FAAH2: variants seen among roughly 807,000 people sequenced by gnomAD.
The protein encoded by FAAH2 is fatty acid amide hydrolase 2, also known as fatty-acid amide hydrolase 2.
In FAAH2, 60 loss-of-function variants were observed where a neutral mutation model predicts 36.9. The observed-to-expected ratio is 1.63, with a 90% confidence interval of 1.32 to 2.02. The LOEUF (loss-of-function observed/expected upper bound fraction) is 2.02, where lower values mean the gene tolerates loss of function less well. Among genes scored for constraint, FAAH2 ranks in the 30% most tolerant of loss-of-function variants. The pLI, the probability that FAAH2 is intolerant of heterozygous loss-of-function variation, is 0.00. For synonymous variants in FAAH2, 214 were observed against 143.8 expected (o/e 1.49, Z -3.49); for missense variants, 689 against 397.5 (o/e 1.73, Z -6.23).
At chrX:57,419,789 T>G (rs1295859113) in intron 7 of FAAH2, among the ~76,000 whole-genome samples, 1 of 111,948 alleles carries the variant, frequency 8.9e-6, no homozygotes, top group African/African-American at 3.2e-5. Context: ...ATGAAGTCCT[T>G]GCCCATGCCT....
chrX:57,472,220 A>T (rs777343874), intron 10 of FAAH2, among the ~76,000 whole-genome samples: 1 of 112,287 alleles, frequency 8.9e-6, no homozygotes, highest in East Asian at 2.8e-4. Flanking sequence ...AAGCAATGGC[A>T]ACAAAAGCCA....
At chrX:57,284,353 C>T (rs2051781343), upstream of FAAH2, among the ~76,000 whole-genome samples, 1 of 110,316 alleles carries the variant, frequency 9.1e-6, no homozygotes, top group South Asian at 3.9e-4. Context: ...CAGTGGCGCT[C>T]CAGCCTGGGC....
intron 7 of FAAH2, 140 bp downstream of exon 7, chrX:57,381,169 T>C (rs1308819832): frequency 8.9e-5 from 36 of 405,295 alleles, no homozygotes; most frequent in Non-Finnish European, 1.7e-5. Flanking sequence ...CTAAGGAATT[T>C]TGGATGTAAT....
intron 7 of FAAH2, chrX:57,394,488 T>G (rs921398503): frequency 1.2e-5 from 14 of 1,203,491 alleles, no homozygotes; most frequent in Non-Finnish European, 1.5e-5. Context: ...GATATATCAA[T>G]GTCACTTGGA....
chrX:57,160,911 G>A, the FAAH2 span, among the ~76,000 whole-genome samples: 4 of 111,751 alleles, frequency 3.6e-5, no homozygotes, highest in African/African-American at 1.3e-4. Flanking sequence ...GCTTTTGAAT[G>A]TGTTTGCTCT....
intron 2 of FAAH2, among the ~76,000 whole-genome samples, chrX:57,306,917 G>GTATA (rs1204844099): frequency 1.3e-5 from 1 of 75,797 alleles, no homozygotes; most frequent in Non-Finnish European, 2.6e-5. Flanking sequence ...GTACTATATA[G>GTATA]TATATATAGT....
rs1388739181 is a variant in FAAH2 at position 57,310,603 on chromosome X, G to T, written c.286G>T (p.Ala96Ser). 1 of 1,202,460 alleles carries T rather than the reference G, an allele frequency of 8.3e-7. No individual in the cohort carries two copies. The highest frequency in any genetic ancestry group is 1.7e-5 in the African/African-American group (1 of 57,369). The change falls in exon 3 of 11, where the codon GCG (alanine) becomes TCG (serine). Residue 96 changes from alanine to serine, a missense_variant. Physicochemically the swap from Ala to Ser is moderately conservative, Grantham distance 99. Coordinates refer to ENST00000374900, the MANE Select transcript of FAAH2 (RefSeq NM_174912.4). ...NGIVKYRFEEAMKEAHAVDQK... is the reference protein window; with the variant it reads ...NGIVKYRFEESMKEAHAVDQK... ...TTTATTTCTTCTTAGGTTTGAGGAA[G>T]CGATGAAGGAGGCTCATGCTGTAGA...
At chrX:57,394,766 C>T (rs745570082) in intron 7 of FAAH2, 19 of 921,184 alleles carry the variant, frequency 2.1e-5, no homozygotes, top group African/African-American at 7.9e-5. Flanking sequence ...CATTTCAGGC[C>T]GACCAGTTGC....
chrX:57,184,692 G>A, the FAAH2 span, among the ~76,000 whole-genome samples: 1 of 112,419 alleles, frequency 8.9e-6, no homozygotes, highest in African/African-American at 3.2e-5. Context: ...TGAAGAAGTT[G>A]AATTTGTACT....
the FAAH2 span, among the ~76,000 whole-genome samples, chrX:57,178,422 C>A: frequency 8.9e-6 from 1 of 111,815 alleles, no homozygotes; most frequent in Non-Finnish European, 1.9e-5. Flanking sequence ...AGATTGCCTG[C>A]TACAGTGGTA....
At chrX:57,159,647 G>A in the FAAH2 span, among the ~76,000 whole-genome samples, 1 of 111,565 alleles carries the variant, frequency 9.0e-6, no homozygotes. Flanking sequence ...TTTGTCTGTT[G>A]TTGGTGTATA....
intron 10 of FAAH2, among the ~76,000 whole-genome samples, chrX:57,481,319 T>C: frequency 9.0e-6 from 1 of 111,370 alleles, no homozygotes; most frequent in Non-Finnish European, 1.9e-5. Context: ...AGAAGAGGCT[T>C]TCTGGTTTTT....
the FAAH2 span, among the ~76,000 whole-genome samples, chrX:57,207,525 CTTGT>C: frequency 8.9e-6 from 1 of 111,985 alleles, no homozygotes; most frequent in African/African-American, 3.2e-5. Flanking sequence ...GCTGCTTTGC[CTTGT>C]TTATTTGTGA....
the FAAH2 span, among the ~76,000 whole-genome samples, chrX:57,169,893 CAA>C: frequency 9.2e-6 from 1 of 108,566 alleles, no homozygotes; most frequent in African/African-American, 3.3e-5. Context: ...CACACACACA[CAA>C]ACACACACAC....
chrX:57,354,375 A>AC (rs1190668418), intron 5 of FAAH2, among the ~76,000 whole-genome samples: 3 of 110,677 alleles, frequency 2.7e-5, no homozygotes, highest in Admixed American at 1.9e-4. Context: ...GGTGCTAAAA[A>AC]CGTTTTTTAC....
the FAAH2 span, among the ~76,000 whole-genome samples, chrX:57,166,776 A>C: frequency 8.9e-6 from 1 of 111,780 alleles, no homozygotes. Flanking sequence ...TGAGTTCACT[A>C]TCTTTGGTTT....
intron 5 of FAAH2, among the ~76,000 whole-genome samples, chrX:57,362,674 A>G (rs2054314616): frequency 8.9e-6 from 1 of 111,862 alleles, no homozygotes; most frequent in Non-Finnish European, 1.9e-5. Context: ...ATTTTTTCCA[A>G]AGGATGATGT....
the FAAH2 span, among the ~76,000 whole-genome samples, chrX:57,179,889 A>G: frequency 8.9e-6 from 1 of 112,572 alleles, no homozygotes; most frequent in African/African-American, 3.2e-5. Flanking sequence ...AAGCAAATGT[A>G]AAAGAACCAA....
chrX:57,218,041 T>C, the FAAH2 span, among the ~76,000 whole-genome samples: 1 of 112,153 alleles, frequency 8.9e-6, no homozygotes, highest in Non-Finnish European at 1.9e-5. Context: ...TTGTGTACAT[T>C]AATCTTGTAT....
Sources: gnomAD v4.1 joint callset for allele counts (sites outside exome capture counted in the v4.1 genomes callset) on GRCh38, gnomAD v4.1.1 for gene constraint, MANE v1.5 for transcripts, NCBI Gene and HGNC (gene_info 2026-07-23, HGNC 2026-07-21) for gene names.